The following DPP8 variants were observed in gnomAD, a reference collection of about 807,000 sequenced individuals.
DPP8 encodes the protein dipeptidyl peptidase 8, also known as DPP VIII.
A neutral mutation model predicts 107.5 loss-of-function variants in DPP8; 31 were observed. The observed-to-expected ratio is 0.29, with a 90% confidence interval of 0.22 to 0.39. The LOEUF is 0.39. DPP8 is among the 10% of genes least tolerant of loss of function. The probability of loss-of-function intolerance (pLI) is 1.00; values close to 1 mark genes in which losing one functional copy is unlikely to be tolerated. For missense variants in DPP8, 842 were observed against 1,076.1 expected (o/e 0.78, Z 3.04); for synonymous variants, 381 against 356.6 (o/e 1.07, Z -0.77).
chr15:65,475,529 C>T (rs980202487), intron 11 of DPP8: 1 of 1,378,974 alleles, frequency 7.3e-7, no homozygotes, highest in Non-Finnish European at 1.0e-6. Context: ...GGCATTAAAA[C>T]CAGCCCGGTG....
chr15:65,500,163 A>T (rs1228529771), intron 4 of DPP8, among the ~76,000 whole-genome samples: 1 of 152,072 alleles, frequency 6.6e-6, no homozygotes, highest in South Asian at 2.1e-4. Context: ...TCATGTCTGT[A>T]ATCCTAGCAC....
intron 3 of DPP8, among the ~76,000 whole-genome samples, chr15:65,506,129 A>T (rs2069952861): frequency 6.6e-6 from 1 of 151,236 alleles, no homozygotes; most frequent in Non-Finnish European, 1.5e-5. Context: ...CAGGAGATCG[A>T]GACCATCCTA....
At chr15:65,461,836 T>C (rs1205841663) in intron 15 of DPP8, among the ~76,000 whole-genome samples, 1 of 151,672 alleles carries the variant, frequency 6.6e-6, no homozygotes, top group African/African-American at 2.4e-5. Context: ...TCTGACCTCA[T>C]GATCCGCCTG....
chr15:65,474,316 T>C, intron 11 of DPP8, 28 bp from the exon 12 acceptor site: 1 of 1,445,586 alleles, frequency 6.9e-7, no homozygotes, highest in Non-Finnish European at 9.7e-7. Context: ...TATAATTCAG[T>C]ACATTATACC....
At chr15:65,500,009 C>T (rs989181428) in intron 4 of DPP8, among the ~76,000 whole-genome samples, 17 of 152,298 alleles carry the variant, frequency 1.1e-4, no homozygotes, top group African/African-American at 4.1e-4. Context: ...GATCCTCCCA[C>T]CTCAGACTCC....
chr15:65,473,030 C>T (rs1013995786), intron 12 of DPP8, among the ~76,000 whole-genome samples: 1 of 151,062 alleles, frequency 6.6e-6, no homozygotes, highest in Admixed American at 6.6e-5. Flanking sequence ...AAAGTCAGAC[C>T]CTGTCTCAAA....
chr15:65,468,046 A>G lies in DPP8; in HGVS notation c.1537-823T>C, dbSNP rs890625385. ...GTATAGTTTACAAATAAACATGGAT[A>G]AGATCTTTTAAGTCTTCATTCAGAA... On this transcript the variant is annotated intron_variant, in intron 12 of 19. Transcript: ENST00000300141. 2.0e-5 allele frequency among the ~76,000 whole-genome samples: 3 copies of G among 152,210 alleles called. No homozygotes were observed. The East Asian group carries it at 5.8e-4, about 29-fold the overall frequency.
At chr15:65,470,195 C>CAAAAAAAA (rs11310623) in intron 12 of DPP8, among the ~76,000 whole-genome samples, 8 of 58,482 alleles carry the variant, frequency 1.4e-4, no homozygotes, top group African/African-American at 3.0e-4. Context: ...ACTCTTGTCT[C>CAAAAAAAA]AAAAAAAAAA....
chr15:65,458,005 G>C (rs1248326000), intron 15 of DPP8, among the ~76,000 whole-genome samples: 2 of 152,162 alleles, frequency 1.3e-5, no homozygotes. Context: ...GAAATACTAG[G>C]CAGAGAAGTA....
Position 65,474,285 on chromosome 15 carries a change from T to C in DPP8, c.1460A>G (p.Asp487Gly), listed in dbSNP as rs1223902639. 6.3e-7 allele frequency: 1 copy of C among 1,599,118 alleles called. No individual in the cohort carries two copies. Among genetic ancestry groups the C allele is most frequent in the Admixed American group, 1.7e-5 (1 of 59,992 alleles). ...RSSGGLPAPS[D>G]FKCPIKEEIA... ...CTCCTCTTTGATAGGACACTTGAAA[T>C]CACCTGAAGATAAATATAATTATAA... is the stretch of plus-strand genomic sequence containing the variant. Residue 487 changes from aspartate (D) to glycine (G), a missense_variant, in exon 12 of 20, where the codon GAT becomes GGT. Asp to Gly is a moderately conservative substitution (Grantham distance 94). This residue lies in a region of DPP8 where 663 missense variants were observed against 758.0 expected (regional missense o/e 0.87). Coordinates refer to ENST00000300141, the MANE Select transcript of DPP8 (RefSeq NM_130434.5).
At chr15:65,464,904 A>G (rs1197315094) in intron 14 of DPP8, among the ~76,000 whole-genome samples, 1 of 152,100 alleles carries the variant, frequency 6.6e-6, no homozygotes, top group East Asian at 1.9e-4. Flanking sequence ...GGGTGAGGTA[A>G]ATTATTAGTC....
intron 5 of DPP8, among the ~76,000 whole-genome samples, chr15:65,495,931 T>C (rs2068545848): frequency 6.6e-6 from 1 of 151,724 alleles, no homozygotes; most frequent in Non-Finnish European, 1.5e-5. Flanking sequence ...TGAGAGAATA[T>C]GTATCATTTT....
intron 19 of DPP8, among the ~76,000 whole-genome samples, chr15:65,448,690 A>AAAT (rs1567123852): frequency 8.9e-6 from 1 of 112,112 alleles, no homozygotes; most frequent in African/African-American, 3.6e-5. Context: ...AAAAAAAAAA[A>AAAT]ATATATATAT....
intron 19 of DPP8, among the ~76,000 whole-genome samples, chr15:65,449,224 T>A (rs1460431274): frequency 2.1e-5 from 3 of 141,932 alleles, no homozygotes; most frequent in Admixed American, 7.1e-5. Flanking sequence ...AGAAAAAAAA[T>A]AAAAATAAAT....
chr15:65,479,759 G>A (rs1409297254), intron 10 of DPP8, among the ~76,000 whole-genome samples: 1 of 150,358 alleles, frequency 6.7e-6, no homozygotes, highest in African/African-American at 2.5e-5. Flanking sequence ...CAGGAGAATG[G>A]CGTGAACCCG....
chr15:65,497,920 A>G lies in DPP8; in HGVS notation c.659T>C (p.Ile220Thr). 6.2e-7 allele frequency: 1 copy of G among 1,602,184 alleles called. No individual in the cohort carries two copies. Among genetic ancestry groups the G allele is most frequent in the Non-Finnish European group, 8.5e-7 (1 of 1,172,430 alleles). The part of the protein sequence containing the change: ...DWIAFIHSND[I>T]WISNIVTREE... ...TCTGGTTACGATGTTAGATATCCAA[A>G]TATCGTTGCTATGTATAAAAGCAAT... is the stretch of plus-strand genomic sequence containing the variant. The change falls in exon 5 of 20, where the codon ATT becomes ACT. Residue 220 changes from isoleucine to threonine, a missense_variant. By Grantham distance (89) the Ile-to-Thr change is moderately conservative. Around this residue, in one of 2 missense-constraint regions of DPP8, gnomAD observed 663 missense variants for 758.0 expected, o/e 0.87. Transcript: ENST00000300141.
At chr15:65,506,128 G>A (rs557148850) in intron 3 of DPP8, among the ~76,000 whole-genome samples, 9 of 151,210 alleles carry the variant, frequency 6.0e-5, no homozygotes, top group East Asian at 2.0e-4. Flanking sequence ...TCAGGAGATC[G>A]AGACCATCCT....
At chr15:65,485,016 T>C (rs1340487460) in intron 8 of DPP8, 83 bp downstream of exon 8, 16 of 1,119,158 alleles carry the variant, frequency 1.4e-5, no homozygotes, top group South Asian at 2.7e-5. Context: ...AGTCCAAAAA[T>C]AAAAAAGTGT....
intron 3 of DPP8, among the ~76,000 whole-genome samples, chr15:65,502,174 C>T (rs1488398262): frequency 6.6e-6 from 1 of 152,058 alleles, no homozygotes; most frequent in Non-Finnish European, 1.5e-5. Flanking sequence ...CAGGTGTGAG[C>T]CACCAAGCCT....
Sources: gnomAD v4.1 joint callset for allele counts (sites outside exome capture counted in the v4.1 genomes callset) on GRCh38, gnomAD v4.1.1 for gene constraint, gnomAD v4.1.1 regional missense constraint, MANE v1.5 for transcripts, NCBI Gene and HGNC (gene_info 2026-07-23, HGNC 2026-07-21) for gene names.